Variants in RHOBTB2 observed in about 807,000 individuals in gnomAD.
RHOBTB2 encodes rho-related BTB domain-containing protein 2.
A neutral mutation model predicts 66.5 loss-of-function variants in RHOBTB2; 39 were observed. The observed-to-expected ratio is 0.59, with a 90% CI of 0.45 to 0.77. The LOEUF is 0.77. Among genes scored for constraint, RHOBTB2 ranks in the 30% least tolerant of loss-of-function variants. RHOBTB2 has a pLI of 0.00. For synonymous variants in RHOBTB2, 390 were observed against 395.0 expected (o/e 0.99, Z 0.15); for missense variants, 755 against 999.1 (o/e 0.76, Z 3.29).
chr8:22,966,633 A>G, the RHOBTB2 span, among the ~76,000 whole-genome samples: 1 of 151,902 alleles, frequency 6.6e-6, no homozygotes, highest in African/African-American at 2.4e-5. Context: ...GAAAAAAAAA[A>G]GCGGGGTGGT....
chr8:22,997,491 A>T (rs1393234741), upstream of RHOBTB2, among the ~76,000 whole-genome samples: 2 of 152,198 alleles, frequency 1.3e-5, no homozygotes, highest in Non-Finnish European at 2.9e-5. Context: ...TTTGACACCC[A>T]CATTTTTGTC....
In RHOBTB2 at chr8:22,999,942, C is replaced by G; in HGVS notation, c.-174C>G. ...CTGCCCTGCCGGAGTTTCTGAGTGG[C>G]CGCGAGCTGGCCGGGAGGCTGGAGC... On this transcript the variant is annotated 5_prime_UTR_variant, in exon 1 of 10. Coordinates refer to ENST00000251822, the MANE Select transcript of RHOBTB2 (RefSeq NM_015178.3). The G allele has an allele frequency of 1.0e-6, 1 of 985,410 alleles. No individual in the cohort carries two copies. Among genetic ancestry groups the G allele is most frequent in the Non-Finnish European group, 1.2e-6 (1 of 829,922 alleles). The allele number at this position is 985,410 out of a possible 1,614,324, so 61.0% of individuals were successfully genotyped here. A position where few individuals can be genotyped will look rare whatever the true frequency, so the allele number is the denominator to read the frequency against.
upstream of RHOBTB2, among the ~76,000 whole-genome samples, chr8:22,995,372 C>A (rs1295066541): frequency 6.6e-6 from 1 of 152,112 alleles, no homozygotes; most frequent in Non-Finnish European, 1.5e-5. Context: ...CAGAGAAGAA[C>A]CCAATGATAG....
chr8:22,954,680 T>C, the RHOBTB2 span, among the ~76,000 whole-genome samples: 1 of 152,162 alleles, frequency 6.6e-6, no homozygotes, highest in East Asian at 1.9e-4. Context: ...AAATGAAATA[T>C]TAAAATGGAA....
At chr8:23,005,508 C>A in intron 3 of RHOBTB2, 33 bp downstream of exon 3, 2 of 1,381,644 alleles carry the variant, frequency 1.4e-6, no homozygotes, top group South Asian at 1.2e-5. Context: ...TGCAGAGAAC[C>A]AACAGGGTGG....
rs1334226937 is a variant in RHOBTB2 at position 23,017,255 on chromosome 8, A to G, written c.1970A>G (p.Asn657Ser). 3 of 1,613,832 alleles carry G rather than the reference A, an allele frequency of 1.9e-6. No homozygotes were observed. The highest frequency in any genetic ancestry group is 1.7e-5 in the Admixed American group (1 of 59,976). ...PRDMKAMSPENQEYFEKHRWP... is the reference protein window; with the variant it reads ...PRDMKAMSPESQEYFEKHRWP... Reference sequence around the variant, plus strand: ...AGCTGCCTGCTCTCTGCTCCAGAAAACCAGGAGTATTTCGAGAAGCATCGG... The same window carrying G: ...AGCTGCCTGCTCTCTGCTCCAGAAAGCCAGGAGTATTTCGAGAAGCATCGG... The change falls in exon 10 of 10, where the codon AAC (asparagine) becomes AGC (serine). Residue 657 changes from asparagine to serine, a missense_variant. Transcript: ENST00000251822. This position sits in a 1 kb window ranked among gnomAD's most constrained non-coding sequence, Gnocchi z 5.3.
In RHOBTB2 at chr8:23,017,589, G is replaced by C. The variant is rs1336525885; in HGVS notation, c.*120G>C. On this transcript the variant is annotated 3_prime_UTR_variant, in exon 10 of 10. Coordinates refer to ENST00000251822, the MANE Select transcript of RHOBTB2 (RefSeq NM_015178.3). The surrounding 1 kb of genome is among the most constrained non-coding windows in gnomAD (Gnocchi z 5.3). ...AGGGGGCCCACGTAACCAGGACCCA[G>C]AGGGTGGAGCTCTTCTTACCAGCCA... The C allele has an allele frequency of 1.4e-6, 2 of 1,451,878 alleles. No individual in the cohort carries two copies. The highest frequency in any genetic ancestry group is 1.4e-5 in the African/African-American group (1 of 71,076). The allele number at this position is 1,451,878 out of a possible 1,614,324, so 89.9% of individuals were successfully genotyped here.
chr8:22,999,632 T>TC lies in RHOBTB2; in HGVS notation c.-481dup, dbSNP rs575910344. 2.4e-3 allele frequency: 3,009 copies of TC among 1,245,174 alleles called. 56 individuals carry two copies. In the African/African-American group the frequency reaches 0.046, roughly 19 times the overall value. The allele number at this position is 1,245,174 out of a possible 1,614,324, so 77.1% of individuals were successfully genotyped here. A position where few individuals can be genotyped will look rare whatever the true frequency, so the allele number is the denominator to read the frequency against. ...CCGTTTTTTTCTTTTCTTTTTTTTT[T>TC]CCCTATCCTTTTTTTGTGAATGAAA... On this transcript the variant is annotated 5_prime_UTR_variant, in exon 1 of 10. Coordinates refer to ENST00000251822, the MANE Select transcript of RHOBTB2 (RefSeq NM_015178.3).
chr8:23,004,746 G>C lies in RHOBTB2; in HGVS notation c.192+120G>C. On this transcript the variant is annotated intron_variant, in intron 2 of 9. Transcript: ENST00000251822. The surrounding 1 kb of genome is among the most constrained non-coding windows in gnomAD (Gnocchi z 6.4). ...GAGCCCTCTAGGGGTGGGACAGGATGGGTTGGGGGCAGCTGAAGAGGAAGG... is the reference window on the plus strand; with the variant it reads ...GAGCCCTCTAGGGGTGGGACAGGATCGGTTGGGGGCAGCTGAAGAGGAAGG... 1.0e-6 allele frequency: 1 copy of C among 959,042 alleles called. No individual in the cohort carries two copies. The highest frequency in any genetic ancestry group is 1.6e-6 in the Non-Finnish European group (1 of 636,462). 59.4% of individuals were successfully genotyped at this position (959,042 alleles called of 1,614,324 possible).
At chr8:22,968,120 A>T in the RHOBTB2 span, among the ~76,000 whole-genome samples, 1 of 152,130 alleles carries the variant, frequency 6.6e-6, no homozygotes, top group South Asian at 2.1e-4. Flanking sequence ...AAACCACTGT[A>T]CTTCAGCCTG....
At chr8:22,964,866 G>C in the RHOBTB2 span, among the ~76,000 whole-genome samples, 1 of 151,172 alleles carries the variant, frequency 6.6e-6, no homozygotes, top group Non-Finnish European at 1.5e-5. Context: ...ACCCAGGCTG[G>C]AGTGCAATGG....
rs1811332268 is a variant in RHOBTB2, at chr8:23,017,508, C to T, written c.*39C>T. ...TCTTCTGACCCTGCTGCTGTTGTCC[C>T]CATCCGCCTTCACCCCTCTGCTCTT... On this transcript the variant is annotated 3_prime_UTR_variant, in exon 10 of 10. Coordinates refer to ENST00000251822, the MANE Select transcript of RHOBTB2 (RefSeq NM_015178.3). The surrounding 1 kb of genome is among the most constrained non-coding windows in gnomAD (Gnocchi z 5.3). 1.9e-6 allele frequency: 3 copies of T among 1,552,862 alleles called. No individual in the cohort carries two copies. Among genetic ancestry groups the T allele is most frequent in the Non-Finnish European group, 2.6e-6 (3 of 1,148,200 alleles).
the RHOBTB2 span, among the ~76,000 whole-genome samples, chr8:22,980,957 A>G: frequency 6.6e-6 from 1 of 152,250 alleles, no homozygotes; most frequent in African/African-American, 2.4e-5. Flanking sequence ...GCCACAGCCA[A>G]TCAAAAGAAA....
At chr8:22,995,748 G>A, upstream of RHOBTB2, 1 of 1,142,668 alleles carries the variant, frequency 8.8e-7, no homozygotes, top group Non-Finnish European at 1.3e-6. Flanking sequence ...CTTTGCCCCA[G>A]CTGCAGGGTA....
intron 9 of RHOBTB2, 108 bp downstream of exon 9, chr8:23,015,851 G>C (rs988787601): frequency 1.2e-6 from 1 of 812,754 alleles, no homozygotes; most frequent in African/African-American, 1.7e-5. Context: ...CTTGACCTTG[G>C]GGCTGGGAGC....
At position 22,999,912 on chromosome 8, in the gene RHOBTB2, C is replaced by T; in HGVS notation, c.-204C>T. The T allele has an allele frequency of 6.1e-6, 6 of 985,310 alleles. No individual in the cohort carries two copies. Among genetic ancestry groups the T allele is most frequent in the Non-Finnish European group, 7.2e-6 (6 of 829,896 alleles). 61.0% of individuals were successfully genotyped at this position (985,310 alleles called of 1,614,324 possible). A position where few individuals can be genotyped will look rare whatever the true frequency, so the allele number is the denominator to read the frequency against. ...GTCCGCTCCTGGGCCCACGTCCGGC[C>T]TGGGCTGCCCTGCCGGAGTTTCTGA... On this transcript the variant is annotated 5_prime_UTR_variant, in exon 1 of 10. Coordinates refer to ENST00000251822, the MANE Select transcript of RHOBTB2 (RefSeq NM_015178.3).
chr8:22,983,955 C>T (rs182694988), upstream of RHOBTB2, among the ~76,000 whole-genome samples: 3 of 152,200 alleles, frequency 2.0e-5, no homozygotes, highest in Middle Eastern at 3.4e-3. Flanking sequence ...AAGATGGTCT[C>T]GATCTCTTGA....
At chr8:22,987,012 TG>T (rs1432304679), upstream of RHOBTB2, among the ~76,000 whole-genome samples, 1 of 152,246 alleles carries the variant, frequency 6.6e-6, no homozygotes, top group Non-Finnish European at 1.5e-5. Context: ...CCACCTTCCA[TG>T]GCCTCTAGCT....
the RHOBTB2 span, among the ~76,000 whole-genome samples, chr8:22,979,721 T>C: frequency 1.4e-5 from 2 of 143,528 alleles, no homozygotes; most frequent in Non-Finnish European, 3.0e-5. Flanking sequence ...TTTTTTCTTT[T>C]TCTTTTCTTT....
Sources: gnomAD v4.1 joint callset for allele counts (sites outside exome capture counted in the v4.1 genomes callset) on GRCh38, gnomAD v4.1.1 for gene constraint, Gnocchi (gnomAD v3.1) non-coding constraint, MANE v1.5 for transcripts, NCBI Gene and HGNC (gene_info 2026-07-23, HGNC 2026-07-21) for gene names.